Variants in KLF17 observed in about 807,000 individuals in gnomAD.
The protein encoded by KLF17 is KLF transcription factor 17, also known as Krueppel-like factor 17.
A neutral mutation model predicts 34.2 loss-of-function variants in KLF17; 31 were observed. The observed-to-expected ratio is 0.91, with a 90% CI of 0.68 to 1.22. KLF17 has a LOEUF of 1.22. KLF17 is among the 50% of genes most tolerant of loss of function. KLF17 has a pLI of 0.00. For missense variants in KLF17, 478 were observed against 505.2 expected, an observed-to-expected ratio of 0.95 and a Z score of 0.52; for synonymous variants, 179 against 186.7, an observed-to-expected ratio of 0.96 and a Z score of 0.34.
Position 44,126,116 on chromosome 1 carries a change from C to T in KLF17, c.82-3237C>T, listed in dbSNP as rs375022716. Among the ~76,000 whole-genome samples the T allele has an allele frequency of 8.9e-4, 136 of 151,974 alleles. 4 individuals are homozygous for T. In the South Asian group the frequency reaches 0.023, roughly 25 times the overall value. ...TTGGCTCACTGCAAGCTCTGCCTCC[C>T]GGGTTCACACCATTCTCCTGCCTCA... On this transcript the variant is annotated intron_variant, in intron 1 of 3. Coordinates refer to ENST00000372299, the MANE Select transcript of KLF17 (RefSeq NM_173484.4).
rs1233611835 is a variant in KLF17 at position 44,118,976 on chromosome 1, C to T, written c.69C>T (p.His23=). The T allele has an allele frequency of 6.2e-7, 1 of 1,607,478 alleles. No individual in the cohort carries two copies. Among genetic ancestry groups the T allele is most frequent in the South Asian group, 1.1e-5 (1 of 90,082 alleles). The change falls in exon 1 of 4, where the codon CAC becomes CAT. Residue 23 remains histidine, a synonymous_variant. Transcript: ENST00000372299. Reference sequence around the variant, plus strand: ...AGCTGAGCCGGTGGCAGGCGGCGCACCAGGCTGCCCAGGTGAGTCAGGTGC... The same window carrying T: ...AGCTGAGCCGGTGGCAGGCGGCGCATCAGGCTGCCCAGGTGAGTCAGGTGC... ...AGELSRWQAA[H]QAAQDNENSA...
the KLF17 span, among the ~76,000 whole-genome samples, chr1:44,113,508 G>A: frequency 6.6e-6 from 1 of 152,192 alleles, no homozygotes; most frequent in Non-Finnish European, 1.5e-5. Flanking sequence ...CAAGTGCAGA[G>A]GAGGCACCTA....
At chr1:44,090,922 A>ACACG in the KLF17 span, among the ~76,000 whole-genome samples, 10 of 149,136 alleles carry the variant, frequency 6.7e-5, no homozygotes, top group Non-Finnish European at 1.3e-4. Flanking sequence ...CCACACACAC[A>ACACG]CACATGCACA....
At chr1:44,061,010 CT>C in the KLF17 span, 1 of 152,226 alleles carries the variant, frequency 6.6e-6, no homozygotes, top group African/African-American at 2.4e-5. Flanking sequence ...TCAAAAGTGC[CT>C]TCCCAAGCTT....
the KLF17 span, among the ~76,000 whole-genome samples, chr1:44,080,236 C>CTTTTTTT: frequency 3.2e-5 from 3 of 94,130 alleles, no homozygotes; most frequent in Non-Finnish European, 4.0e-5. Context: ...CCCTCTGTGT[C>CTTTTTTT]TTTTTTTTTT....
chr1:44,123,150 A>C (rs2087968257), intron 1 of KLF17, among the ~76,000 whole-genome samples: 1 of 152,120 alleles, frequency 6.6e-6, no homozygotes, highest in Non-Finnish European at 1.5e-5. Context: ...AAAATGAACC[A>C]TGATTGATCG....
the KLF17 span, among the ~76,000 whole-genome samples, chr1:44,084,784 A>G: frequency 5.9e-5 from 9 of 151,472 alleles, no homozygotes; most frequent in African/African-American, 1.7e-4. Flanking sequence ...TTCTAAAAAC[A>G]TACATGAAGG....
chr1:44,076,959 C>T, the KLF17 span: 1 of 146,656 alleles, frequency 6.8e-6, no homozygotes, highest in Non-Finnish European at 1.5e-5. Context: ...TGGTCTTGAA[C>T]TCCTGGCATC....
the KLF17 span, among the ~76,000 whole-genome samples, chr1:44,057,449 A>T: frequency 6.6e-6 from 1 of 152,132 alleles, no homozygotes. Context: ...ACTGCAGGGG[A>T]CACCAAAAGG....
At chr1:44,060,172 T>TA in the KLF17 span, among the ~76,000 whole-genome samples, 2 of 151,982 alleles carry the variant, frequency 1.3e-5, no homozygotes, top group African/African-American at 4.8e-5. Flanking sequence ...CTTCTGTATA[T>TA]AAAAAACTTG....
chr1:44,100,244 T>G, the KLF17 span, among the ~76,000 whole-genome samples: 3 of 131,346 alleles, frequency 2.3e-5, no homozygotes, highest in African/African-American at 5.9e-5. Context: ...GGTAACAGAG[T>G]GAGACTCCAT....
intron 2 of KLF17, 152 bp downstream of exon 2, chr1:44,130,348 A>G: frequency 7.1e-7 from 1 of 1,418,184 alleles, no homozygotes. Context: ...ATACAGGAGG[A>G]CTGTGCCAAG....
the KLF17 span, among the ~76,000 whole-genome samples, chr1:44,066,268 A>G: frequency 2.0e-5 from 3 of 151,750 alleles, no homozygotes; most frequent in East Asian, 1.9e-4. Context: ...GCGGTGAGCC[A>G]TGATTGCACC....
the KLF17 span, among the ~76,000 whole-genome samples, chr1:44,064,784 A>G: frequency 2.6e-5 from 4 of 152,346 alleles, no homozygotes; most frequent in Admixed American, 6.5e-5. Flanking sequence ...CCAAAATTCT[A>G]TTAGTCATTT....
chr1:44,108,160 A>G, the KLF17 span, among the ~76,000 whole-genome samples: 4 of 151,616 alleles, frequency 2.6e-5, no homozygotes, highest in South Asian at 8.3e-4. Flanking sequence ...TTTCTTTCCC[A>G]AGATCTTGCT....
At chr1:44,091,961 A>ACACACTCT in the KLF17 span, among the ~76,000 whole-genome samples, 8 of 116,556 alleles carry the variant, frequency 6.9e-5, no homozygotes, top group African/African-American at 2.5e-4. Flanking sequence ...ACACACACAC[A>ACACACTCT]CTCTCTCTCT....
the KLF17 span, chr1:44,104,143 C>T: frequency 5.7e-6 from 6 of 1,051,428 alleles, no homozygotes; most frequent in Admixed American, 5.1e-5. Flanking sequence ...AGGCCAGACT[C>T]CAGCTCTAAC....
chr1:44,085,459 C>T, the KLF17 span, among the ~76,000 whole-genome samples: 3 of 152,050 alleles, frequency 2.0e-5, no homozygotes, highest in Non-Finnish European at 4.4e-5. Flanking sequence ...GAGGAAAGAG[C>T]ATTCCAAGGC....
chr1:44,121,979 T>C (rs2087950989), intron 1 of KLF17, among the ~76,000 whole-genome samples: 2 of 152,262 alleles, frequency 1.3e-5, no homozygotes, highest in Non-Finnish European at 2.9e-5. Context: ...TTTAAATTTT[T>C]CCTCAATTAA....
Sources: allele counts gnomAD v4.1 joint callset (sites outside exome capture counted in the v4.1 genomes callset), GRCh38; gene constraint gnomAD v4.1.1; transcripts MANE v1.5; gene names NCBI Gene and HGNC (gene_info 2026-07-23, HGNC 2026-07-21).